KCNJ6: variants seen among roughly 807,000 people sequenced by gnomAD.
KCNJ6 encodes the protein potassium inwardly rectifying channel subfamily J member 6.
In KCNJ6, 9 loss-of-function variants were observed where a neutral mutation model predicts 34.2. That is an observed-to-expected ratio of 0.26 (90% CI 0.16 to 0.46). KCNJ6 has a LOEUF of 0.46. Among genes scored for constraint, KCNJ6 ranks in the 20% least tolerant of loss-of-function variants. The probability of loss-of-function intolerance (pLI) is 1.00; values close to 1 mark genes in which losing one functional copy is unlikely to be tolerated. For missense variants in KCNJ6, 236 were observed against 531.3 expected (o/e 0.44, Z 5.46); for synonymous variants, 196 against 207.1 (o/e 0.95, Z 0.46).
At chr21:37,685,142 G>C (rs6517428) in intron 3 of KCNJ6, among the ~76,000 whole-genome samples, 14,385 of 152,104 alleles carry the variant, frequency 0.095, 1,627 homozygotes, top group African/African-American at 0.27. Flanking sequence ...GGAAACACCA[G>C]TAAATATATT....
intron 2 of KCNJ6, among the ~76,000 whole-genome samples, chr21:37,772,034 AT>A (rs1198490565): frequency 1.3e-5 from 2 of 152,184 alleles, no homozygotes; most frequent in East Asian, 3.8e-4. Flanking sequence ...TGGAACACTT[AT>A]CCACACATCT....
intron 2 of KCNJ6, among the ~76,000 whole-genome samples, chr21:37,826,935 T>C (rs1020662200): frequency 7.2e-5 from 11 of 152,130 alleles, no homozygotes; most frequent in Admixed American, 1.3e-4. Flanking sequence ...TTGTTAAGAA[T>C]GCGTGGTGGA....
chr21:37,915,846 C>T (rs538876676), intron 1 of KCNJ6, 38 bp downstream of exon 1: 1 of 152,288 alleles, frequency 6.6e-6, no homozygotes, highest in Non-Finnish European at 1.5e-5. Flanking sequence ...AGGTGGACGC[C>T]AGCTCCTCGC....
At chr21:37,761,616 TTGTG>T (rs1364245605) in intron 2 of KCNJ6, among the ~76,000 whole-genome samples, 3 of 146,944 alleles carry the variant, frequency 2.0e-5, no homozygotes, top group Non-Finnish European at 3.0e-5. Flanking sequence ...TATGTAGTAT[TTGTG>T]TATGTGTTGT....
chr21:37,824,029 C>T (rs987575091), intron 2 of KCNJ6, among the ~76,000 whole-genome samples: 16 of 6,278 alleles, frequency 2.5e-3, no homozygotes, highest in Non-Finnish European at 4.1e-3. Flanking sequence ...TTTCACAATG[C>T]GTACATATAT....
At chr21:37,756,518 G>A (rs1002953050) in intron 2 of KCNJ6, among the ~76,000 whole-genome samples, 1 of 152,208 alleles carries the variant, frequency 6.6e-6, no homozygotes, top group Admixed American at 6.5e-5. Context: ...CTCCACCCTG[G>A]CCCCAGCATT....
rs2054291728 is a variant in KCNJ6 at position 37,622,129 on chromosome 21, C to T, written c.*3030G>A. On this transcript the variant is annotated 3_prime_UTR_variant, in exon 4 of 4. Transcript: ENST00000609713. ...AACCATAACCCTTAAATTCCAAATT[C>T]TTATCTGGCTCACGGATCCCACCAT... The T allele has an allele frequency of 1.3e-5, 2 of 152,156 alleles. No homozygotes were observed. Among genetic ancestry groups the T allele is most frequent in the South Asian group, 4.1e-4 (2 of 4,822 alleles). 9.4% of individuals were successfully genotyped at this position (152,156 alleles called of 1,614,324 possible). A position where few individuals can be genotyped will look rare whatever the true frequency, so the allele number is the denominator to read the frequency against.
intron 3 of KCNJ6, among the ~76,000 whole-genome samples, chr21:37,644,211 C>A (rs2054393594): frequency 6.6e-6 from 1 of 152,084 alleles, no homozygotes; most frequent in Non-Finnish European, 1.5e-5. Flanking sequence ...ACAACACACA[C>A]TGGGGCCTGG....
intron 1 of KCNJ6, among the ~76,000 whole-genome samples, chr21:37,895,738 G>A (rs921368157): frequency 1.3e-5 from 2 of 152,156 alleles, no homozygotes; most frequent in African/African-American, 2.4e-5. Context: ...TGAAGACAAA[G>A]GGCTTCAGAG....
intron 1 of KCNJ6, among the ~76,000 whole-genome samples, chr21:37,856,763 T>C (rs2055567238): frequency 6.6e-6 from 1 of 152,124 alleles, no homozygotes; most frequent in Admixed American, 6.5e-5. Context: ...TAAAAAAAGA[T>C]AAAAAATCAG....
intron 2 of KCNJ6, among the ~76,000 whole-genome samples, 192 bp from the exon 3 acceptor site, chr21:37,715,323 G>A (rs1043531262): frequency 6.6e-6 from 1 of 152,150 alleles, no homozygotes; most frequent in East Asian, 1.9e-4. Flanking sequence ...TGTGCTCTTC[G>A]ATCTAGTTTG....
chr21:37,762,867 C>G (rs373121861), intron 2 of KCNJ6, among the ~76,000 whole-genome samples: 77 of 152,342 alleles, frequency 5.1e-4, no homozygotes, highest in African/African-American at 1.7e-3. Flanking sequence ...ATGGGCCTGT[C>G]TGCAACACGC....
chr21:37,689,581 G>T (rs1445313004), intron 3 of KCNJ6, among the ~76,000 whole-genome samples: 2 of 151,772 alleles, frequency 1.3e-5, no homozygotes, highest in Non-Finnish European at 2.9e-5. Flanking sequence ...TACATACTAG[G>T]CACTCAGTAA....
intron 2 of KCNJ6, among the ~76,000 whole-genome samples, chr21:37,786,680 G>A (rs1373768737): frequency 6.6e-6 from 1 of 152,242 alleles, no homozygotes; most frequent in Admixed American, 6.5e-5. Flanking sequence ...AAGAGACTGA[G>A]TCTTACAGCG....
chr21:37,673,662 C>T (rs1439059389), intron 3 of KCNJ6, among the ~76,000 whole-genome samples: 1 of 152,172 alleles, frequency 6.6e-6, no homozygotes, highest in African/African-American at 2.4e-5. Flanking sequence ...ACATGCATAA[C>T]CAGCAGACAG....
intron 1 of KCNJ6, among the ~76,000 whole-genome samples, chr21:37,907,042 G>C (rs532215971): frequency 3.3e-5 from 5 of 152,340 alleles, no homozygotes; most frequent in African/African-American, 9.6e-5. Context: ...TTGCACGTTA[G>C]AGATGTCTAA....
At chr21:37,701,875 G>A (rs2054692929) in intron 3 of KCNJ6, among the ~76,000 whole-genome samples, 1 of 152,108 alleles carries the variant, frequency 6.6e-6, no homozygotes, top group African/African-American at 2.4e-5. Flanking sequence ...TTTTCCAAGT[G>A]CAGTGAAAAT....
intron 2 of KCNJ6, among the ~76,000 whole-genome samples, chr21:37,728,096 T>C (rs1236516758): frequency 1.3e-5 from 2 of 152,240 alleles, no homozygotes; most frequent in Non-Finnish European, 2.9e-5. Flanking sequence ...ATGTGTTCTA[T>C]CCATACAGTG....
At position 37,677,245 on chromosome 21, in the gene KCNJ6, T is replaced by C. The variant is rs1008905947; in HGVS notation, c.946+36966A>G. ...AGGGAGAGGACTCCGGTACACAGCC[T>C]GGGAGATGGCTTTTCCATGGCAACA... On this transcript the variant is annotated intron_variant, in intron 3 of 3. Transcript: ENST00000609713. Among the ~76,000 whole-genome samples the C allele has an allele frequency of 1.1e-4, 17 of 152,302 alleles. No homozygotes were observed. The East Asian group carries it at 3.1e-3, about 28-fold the overall frequency.
Sources: allele counts gnomAD v4.1 joint callset (sites outside exome capture counted in the v4.1 genomes callset), GRCh38; gene constraint gnomAD v4.1.1; transcripts MANE v1.5; gene names NCBI Gene and HGNC (gene_info 2026-07-23, HGNC 2026-07-21).